COA1: variants seen among roughly 807,000 people sequenced by gnomAD.
COA1 encodes cytochrome c oxidase assembly factor 1, also known as cytochrome c oxidase assembly factor 1 homolog.
A neutral mutation model predicts 16.0 loss-of-function variants in COA1; 13 were observed. The ratio of observed to expected loss-of-function variants is 0.81; its 90% CI spans 0.53 to 1.29. The LOEUF (loss-of-function observed/expected upper bound fraction) is 1.29, where lower values mean the gene tolerates loss of function less well. Among genes scored for constraint, COA1 ranks in the 50% most tolerant of loss-of-function variants. The pLI, the probability that COA1 is intolerant of heterozygous loss-of-function variation, is 0.00. For synonymous variants in COA1, 65 were observed against 65.7 expected, an observed-to-expected ratio of 0.99 and a Z score of 0.05; for missense variants, 179 against 177.0, an observed-to-expected ratio of 1.01 and a Z score of -0.06.
At chr7:43,725,692 T>C (rs1208902505) in intron 1 of COA1, among the ~76,000 whole-genome samples, 3 of 151,998 alleles carry the variant, frequency 2.0e-5, no homozygotes, top group African/African-American at 7.2e-5. Context: ...ACCCCGTCTC[T>C]ACTATAAAAC....
chr7:43,662,414 G>T (rs1342455902), intron 1 of COA1, among the ~76,000 whole-genome samples: 1 of 152,144 alleles, frequency 6.6e-6, no homozygotes, highest in South Asian at 2.1e-4. Flanking sequence ...TGTATTTTTA[G>T]TAGAGACGGG....
intron 4 of COA1, chr7:43,641,700 C>T (rs2087164322): frequency 6.6e-6 from 1 of 152,062 alleles, no homozygotes; most frequent in Non-Finnish European, 1.5e-5. Flanking sequence ...CTCCTTCATC[C>T]CCAGCACCAC....
rs141990456 is a variant in COA1 at position 43,664,103 on chromosome 7, A to AAG, written c.-38-15453_-38-15452dup. ...GAATCATTTAGTATTTGTCTTTAGA[A>AAG]AGAGAGAGAGAGAGAGAGAGAGAGA... On this transcript the variant is annotated intron_variant, in intron 1 of 5. Transcript: ENST00000223336. Among the ~76,000 whole-genome samples the AAG allele has an allele frequency of 3.2e-3, 433 of 135,114 alleles. 3 individuals are homozygous for AAG. Among genetic ancestry groups the AAG allele is most frequent in the Middle Eastern group, 0.012 (3 of 256 alleles). The allele number at this position is 135,114 out of a possible 152,430, so 88.6% of individuals were successfully genotyped here. A position where few individuals can be genotyped will look rare whatever the true frequency, so the allele number is the denominator to read the frequency against.
intron 1 of COA1, among the ~76,000 whole-genome samples, chr7:43,661,335 C>T (rs1197257105): frequency 6.6e-6 from 1 of 152,098 alleles, no homozygotes; most frequent in East Asian, 1.9e-4. Flanking sequence ...TGGGATTCTA[C>T]TAAGAAACAG....
At position 43,647,614 on chromosome 7, in the gene COA1, T is replaced by G. The variant is rs2089757500; in HGVS notation, c.36A>C (p.Ser12=). 1 of 1,613,316 alleles carries G rather than the reference T, an allele frequency of 6.2e-7. No homozygotes were observed. Among genetic ancestry groups the G allele is most frequent in the African/African-American group, 1.3e-5 (1 of 74,906 alleles). ...MWQKYAGSRR[S]MPLGARILFH... ...AAAGGATCCTTGCTCCCAGAGGCAT[T>G]GACCGCCTGCTTCCTGCATACTTAA... Residue 12 remains serine, a synonymous_variant, in exon 3 of 6, where the codon TCA becomes TCC. Transcript: ENST00000223336.
At chr7:43,610,073 G>A (rs571460461) in intron 6 of COA1, among the ~76,000 whole-genome samples, 3 of 152,346 alleles carry the variant, frequency 2.0e-5, no homozygotes, top group South Asian at 2.1e-4. Flanking sequence ...AGGGCCGGGC[G>A]CGGTGGCTCA....
intron 6 of COA1, among the ~76,000 whole-genome samples, chr7:43,630,766 A>G (rs1158713969): frequency 6.6e-6 from 1 of 152,230 alleles, no homozygotes; most frequent in Non-Finnish European, 1.5e-5. Context: ...ATATCATTTT[A>G]TGCCATTTTA....
intron 6 of COA1, chr7:43,625,170 A>C: frequency 4.9e-6 from 1 of 202,938 alleles, no homozygotes; most frequent in Non-Finnish European, 1.0e-5. Flanking sequence ...ATCCAAGTAA[A>C]AGTGCCAAAA....
At chr7:43,618,110 A>G (rs1005822571) in intron 6 of COA1, among the ~76,000 whole-genome samples, 10 of 152,324 alleles carry the variant, frequency 6.6e-5, no homozygotes, top group South Asian at 2.1e-4. Flanking sequence ...CATTCATTCT[A>G]TACATCTAGA....
chr7:43,725,179 G>A (rs970033774), intron 1 of COA1, among the ~76,000 whole-genome samples: 7 of 151,702 alleles, frequency 4.6e-5, no homozygotes, highest in Non-Finnish European at 7.4e-5. Context: ...TGGGGGTTGC[G>A]GTAAGCTGAG....
chr7:43,689,913 T>C (rs979880203), intron 1 of COA1, among the ~76,000 whole-genome samples: 1 of 152,008 alleles, frequency 6.6e-6, no homozygotes, highest in Non-Finnish European at 1.5e-5. Context: ...TATAAACCAA[T>C]AATGGAGATA....
At chr7:43,656,220 T>C (rs1220211824) in intron 1 of COA1, 1 of 152,240 alleles carries the variant, frequency 6.6e-6, no homozygotes, top group East Asian at 1.9e-4. Context: ...CAAGGTTTGT[T>C]ATGCAGCCAT....
intron 6 of COA1, among the ~76,000 whole-genome samples, chr7:43,621,628 G>A (rs923770408): frequency 2.0e-5 from 3 of 151,948 alleles, no homozygotes; most frequent in Non-Finnish European, 2.9e-5. Context: ...CCAGCACAGC[G>A]GGCCAGTTTT....
intron 1 of COA1, among the ~76,000 whole-genome samples, chr7:43,660,759 G>T (rs891664035): frequency 6.6e-6 from 1 of 151,894 alleles, no homozygotes; most frequent in Non-Finnish European, 1.5e-5. Flanking sequence ...CCCTAATTTG[G>T]CCCCTAAGTA....
chr7:43,636,406 T>TAAAC (rs2085885030), downstream of COA1, among the ~76,000 whole-genome samples: 2 of 152,224 alleles, frequency 1.3e-5, no homozygotes, highest in African/African-American at 4.8e-5. Flanking sequence ...ATGAGCAGTA[T>TAAAC]AAACATTGTC....
At chr7:43,637,817 A>C (rs1754502447), downstream of COA1, among the ~76,000 whole-genome samples, 1 of 152,150 alleles carries the variant, frequency 6.6e-6, no homozygotes, top group South Asian at 2.1e-4. Flanking sequence ...ATTAATTCAA[A>C]CTCTACACTT....
At chr7:43,663,576 A>G (rs1451375655) in intron 1 of COA1, among the ~76,000 whole-genome samples, 1 of 150,800 alleles carries the variant, frequency 6.6e-6, no homozygotes, top group South Asian at 2.1e-4. Context: ...AGGCAGGGCA[A>G]GAGGATCACT....
intron 1 of COA1, among the ~76,000 whole-genome samples, chr7:43,722,091 CTTT>C (rs34638426): frequency 2.3e-4 from 30 of 132,338 alleles, no homozygotes; most frequent in Admixed American, 4.6e-4. Context: ...ATTCTGGTAA[CTTT>C]TTTTTTTTTT....
chr7:43,728,348 G>T (rs2095663181), intron 1 of COA1, among the ~76,000 whole-genome samples: 1 of 99,768 alleles, frequency 1.0e-5, no homozygotes, highest in Non-Finnish European at 1.8e-5. Flanking sequence ...GAAGACTTTT[G>T]TTTTGTGTTT....
Sources: gnomAD v4.1 joint callset for allele counts (sites outside exome capture counted in the v4.1 genomes callset) on GRCh38, gnomAD v4.1.1 for gene constraint, MANE v1.5 for transcripts, NCBI Gene and HGNC (gene_info 2026-07-23, HGNC 2026-07-21) for gene names.